HDAC9: variants seen among roughly 807,000 people sequenced by gnomAD.
HDAC9 encodes MEF-2 interacting transcription repressor (MITR) protein.
A neutral mutation model predicts 139.4 loss-of-function variants in HDAC9; 41 were observed. The ratio of observed to expected loss-of-function variants is 0.29; its 90% CI spans 0.23 to 0.38. HDAC9 has a LOEUF of 0.38. HDAC9 is among the 10% of genes least tolerant of loss of function. The pLI is 1.00. For missense variants in HDAC9, 1,147 were observed against 1,297.0 expected (o/e 0.88, Z 1.78); for synonymous variants, 517 against 476.2 (o/e 1.09, Z -1.12).
chr7:18,180,425 A>G (rs894193070), intron 2 of HDAC9, among the ~76,000 whole-genome samples: 1 of 151,530 alleles, frequency 6.6e-6, no homozygotes, highest in African/African-American at 2.4e-5. Context: ...TTTTTTTTCC[A>G]AATCAGCTAA....
chr7:18,265,646 C>T (rs1024881713), intron 2 of HDAC9, among the ~76,000 whole-genome samples: 12 of 151,320 alleles, frequency 7.9e-5, no homozygotes, highest in African/African-American at 2.9e-4. Flanking sequence ...AATAACATGC[C>T]CATTACATGT....
chr7:18,749,530 A>G (rs1217950086), intron 14 of HDAC9, among the ~76,000 whole-genome samples: 1 of 152,234 alleles, frequency 6.6e-6, no homozygotes, highest in Non-Finnish European at 1.5e-5. Context: ...CATGGAAATG[A>G]ATCAATTTAA....
chr7:18,149,088 C>T (rs889158414), intron 1 of HDAC9, among the ~76,000 whole-genome samples: 1 of 152,026 alleles, frequency 6.6e-6, no homozygotes, highest in African/African-American at 2.4e-5. Context: ...ATATCCTTGC[C>T]AACGTGAGGA....
At chr7:18,220,428 C>T (rs1210456598) in intron 2 of HDAC9, among the ~76,000 whole-genome samples, 1 of 152,038 alleles carries the variant, frequency 6.6e-6, no homozygotes, top group African/African-American at 2.4e-5. Context: ...TTCTGTGGAA[C>T]CAGCTCTTAA....
At position 18,414,160 on chromosome 7, in the gene HDAC9, A is replaced by C. The variant is rs541606504; in HGVS notation, c.-41-82102A>C. 3.9e-5 allele frequency among the ~76,000 whole-genome samples: 6 copies of C among 152,308 alleles called. No individual in the cohort carries two copies. The East Asian group carries it at 1.2e-3, about 29-fold the overall frequency. On this transcript the variant is annotated intron_variant, in intron 1 of 3. Transcript: ENST00000413509. ...ATGGTTATTTATATTTAATTTCAAA[A>C]TGTATTTAAGTGAAAATTTGAAAAA...
chr7:18,953,359 C>T (rs768196639), intron 23 of HDAC9, among the ~76,000 whole-genome samples: 4 of 152,138 alleles, frequency 2.6e-5, no homozygotes, highest in Non-Finnish European at 4.4e-5. Flanking sequence ...ACATGCCAAA[C>T]TAATCACCAC....
At chr7:18,724,256 T>G (rs1304802352) in intron 12 of HDAC9, among the ~76,000 whole-genome samples, 2 of 152,168 alleles carry the variant, frequency 1.3e-5, no homozygotes, top group African/African-American at 2.4e-5. Context: ...TGTACGAACA[T>G]CATAGAGTAT....
intron 1 of HDAC9, among the ~76,000 whole-genome samples, chr7:18,320,931 C>T (rs188194024): frequency 1.1e-4 from 17 of 152,216 alleles, no homozygotes; most frequent in Admixed American, 1.0e-3. Context: ...TTATCTAAGT[C>T]ATGGTTTAGA....
intron 23 of HDAC9, among the ~76,000 whole-genome samples, chr7:18,941,378 C>G (rs1455443238): frequency 1.3e-5 from 2 of 152,096 alleles, no homozygotes; most frequent in African/African-American, 2.4e-5. Flanking sequence ...TTAAAGATGA[C>G]GTTTTGCTCT....
chr7:18,117,493 A>G (rs1411430682), intron 1 of HDAC9, among the ~76,000 whole-genome samples: 9 of 146,426 alleles, frequency 6.1e-5, no homozygotes, highest in Non-Finnish European at 3.0e-5. Context: ...CTCAAAAAAT[A>G]AAATAAAAAA....
At chr7:18,983,614 G>A (rs1255502267) in intron 25 of HDAC9, among the ~76,000 whole-genome samples, 1 of 152,098 alleles carries the variant, frequency 6.6e-6, no homozygotes, top group African/African-American at 2.4e-5. Context: ...GCTAAAATTA[G>A]AATTGCTGGG....
At chr7:18,124,899 C>CTTT (rs11433623) in intron 1 of HDAC9, among the ~76,000 whole-genome samples, 1 of 144,104 alleles carries the variant, frequency 6.9e-6, no homozygotes, top group African/African-American at 2.6e-5. Flanking sequence ...CTTTCTTTTT[C>CTTT]TTTTTTTTTT....
chr7:18,732,925 G>GCGTGTATGTA (rs1786410469), intron 13 of HDAC9, among the ~76,000 whole-genome samples: 1 of 100,124 alleles, frequency 1.0e-5, no homozygotes, highest in Non-Finnish European at 1.8e-5. Context: ...GTATACACAC[G>GCGTGTATGTA]TGTGTATGTA....
At chr7:18,543,647 G>A (rs1287845302) in intron 2 of HDAC9, 4 of 151,964 alleles carry the variant, frequency 2.6e-5, no homozygotes, top group African/African-American at 9.7e-5. Flanking sequence ...TATATTAAGT[G>A]CTAACTACAG....
intron 21 of HDAC9, among the ~76,000 whole-genome samples, chr7:18,855,394 ATTG>A (rs1193657316): frequency 6.6e-6 from 1 of 152,034 alleles, no homozygotes; most frequent in African/African-American, 2.4e-5. Flanking sequence ...AATAGTTGCA[ATTG>A]TTATTTTATT....
chr7:18,559,005 G>A (rs1819740834), intron 2 of HDAC9, among the ~76,000 whole-genome samples: 1 of 152,152 alleles, frequency 6.6e-6, no homozygotes, highest in African/African-American at 2.4e-5. Flanking sequence ...CATGTTGGGT[G>A]AGGTGACATC....
At chr7:18,733,020 T>C (rs566051899) in intron 13 of HDAC9, among the ~76,000 whole-genome samples, 1 of 143,062 alleles carries the variant, frequency 7.0e-6, no homozygotes, top group African/African-American at 2.7e-5. Context: ...TGTATGTGTG[T>C]ATATATGTAT....
intron 2 of HDAC9, among the ~76,000 whole-genome samples, chr7:18,560,402 A>G (rs1820215056): frequency 6.6e-6 from 1 of 152,130 alleles, no homozygotes; most frequent in Middle Eastern, 3.2e-3. Flanking sequence ...CCTCTTTGTG[A>G]TGTCGTATTA....
rs145358592 is a variant in HDAC9, at chr7:18,958,611, G to A, written c.3022+4381G>A. ...CAGATATTATTTCTGCTGTGTTCCT[G>A]CTTGTTTTTAATTGCCGTATCTTTT... On this transcript the variant is annotated intron_variant, in intron 24 of 25. Transcript: ENST00000686413. 2.2e-3 allele frequency among the ~76,000 whole-genome samples: 334 copies of A among 152,272 alleles called. 2 individuals are homozygous for A. The highest frequency in any genetic ancestry group is 7.5e-3 in the African/African-American group (311 of 41,554).
Sources: allele counts gnomAD v4.1 joint callset (sites outside exome capture counted in the v4.1 genomes callset), GRCh38; gene constraint gnomAD v4.1.1; transcripts MANE v1.5; gene names NCBI Gene and HGNC (gene_info 2026-07-23, HGNC 2026-07-21).